The following KIAA1671 variants were observed in gnomAD, a reference collection of about 807,000 sequenced individuals.
KIAA1671 encodes the protein KIAA1671, also known as uncharacterized protein KIAA1671.
KIAA1671 carries 52 observed loss-of-function variants against 131.2 expected under a neutral mutation model. The observed-to-expected ratio is 0.40, with a 90% CI of 0.32 to 0.50. The LOEUF is 0.50. Among genes scored for constraint, KIAA1671 ranks in the 20% least tolerant of loss-of-function variants. KIAA1671 has a pLI of 0.73. For synonymous variants in KIAA1671, 1,003 were observed against 961.6 expected (o/e 1.04, Z -0.80); for missense variants, 2,360 against 2,364.2 (o/e 1.00, Z 0.04).
intron 6 of KIAA1671, among the ~76,000 whole-genome samples, chr22:25,104,261 G>A (rs1288169554): frequency 6.6e-6 from 1 of 152,200 alleles, no homozygotes; most frequent in Non-Finnish European, 1.5e-5. Flanking sequence ...TTACAGGCAT[G>A]AGCCACTGCT....
chr22:25,002,705 C>T (rs1020945751), intron 1 of KIAA1671, among the ~76,000 whole-genome samples: 1 of 152,304 alleles, frequency 6.6e-6, no homozygotes, highest in South Asian at 2.1e-4. Flanking sequence ...GCTGAACCCT[C>T]CCTGAGAAAC....
chr22:25,157,130 G>C (rs553187108), intron 6 of KIAA1671, among the ~76,000 whole-genome samples: 1 of 152,098 alleles, frequency 6.6e-6, no homozygotes, highest in Non-Finnish European at 1.5e-5. Context: ...GCTGGGAAAC[G>C]TAAAAGAATT....
chr22:25,029,674 T>C (rs945657272), intron 3 of KIAA1671, 134 bp downstream of exon 3: 35 of 680,452 alleles, frequency 5.1e-5, no homozygotes, highest in Non-Finnish European at 7.4e-5. Flanking sequence ...GTAGTGGCAG[T>C]GTCCATTTCT....
intron 1 of KIAA1671, among the ~76,000 whole-genome samples, chr22:24,958,806 A>C (rs1921859175): frequency 6.6e-6 from 1 of 151,208 alleles, no homozygotes; most frequent in Non-Finnish European, 1.5e-5. Flanking sequence ...CCCTCTCTCT[A>C]CTGAAAATAC....
intron 1 of KIAA1671, among the ~76,000 whole-genome samples, chr22:24,994,676 A>G (rs1035545426): frequency 6.6e-6 from 1 of 152,152 alleles, no homozygotes; most frequent in Non-Finnish European, 1.5e-5. Context: ...AGAGGCTCTG[A>G]CAAAGGAGTG....
At chr22:25,126,395 C>T (rs1386456670) in intron 6 of KIAA1671, among the ~76,000 whole-genome samples, 3 of 152,190 alleles carry the variant, frequency 2.0e-5, no homozygotes, top group African/African-American at 4.8e-5. Context: ...GTGGCAGCCA[C>T]GTTGCAGACA....
rs527545677 is a variant in KIAA1671, at chr22:25,184,015, A to C, written c.5200-962A>C. Among the ~76,000 whole-genome samples, 5 of 152,380 alleles carry C rather than the reference A, an allele frequency of 3.3e-5. No homozygotes were observed. In the South Asian group the frequency reaches 8.3e-4, roughly 25 times the overall value. On this transcript the variant is annotated intron_variant, in intron 10 of 12. Transcript: ENST00000358431. ...CTGCTGAGGCAGATCTTGGGATTCC[A>C]GAACACAGCTCCAGTCCACTGTGCT... is the stretch of plus-strand genomic sequence containing the variant.
At chr22:25,024,685 A>G (rs1925840609) in intron 1 of KIAA1671, 1 of 152,222 alleles carries the variant, frequency 6.6e-6, no homozygotes, top group African/African-American at 2.4e-5. Context: ...ATATTTCTTC[A>G]TTCATTTACT....
chr22:25,043,901 TAC>T (rs1395063966), intron 5 of KIAA1671, among the ~76,000 whole-genome samples: 4 of 152,172 alleles, frequency 2.6e-5, no homozygotes, highest in Non-Finnish European at 5.9e-5. Context: ...AGCTGAGTGA[TAC>T]AGGGCAAAAC....
intron 6 of KIAA1671, among the ~76,000 whole-genome samples, chr22:25,168,956 A>T (rs549068349): frequency 1.3e-5 from 2 of 152,232 alleles, no homozygotes; most frequent in African/African-American, 4.8e-5. Flanking sequence ...GACAATAGGG[A>T]ACCCCGGAAG....
chr22:25,008,430 G>A (rs1924865128), intron 1 of KIAA1671, among the ~76,000 whole-genome samples: 1 of 152,096 alleles, frequency 6.6e-6, no homozygotes, highest in South Asian at 2.1e-4. Flanking sequence ...ATCAACCCCA[G>A]GAGGGTCGTT....
intron 6 of KIAA1671, among the ~76,000 whole-genome samples, chr22:25,106,876 A>G (rs1214134808): frequency 6.6e-6 from 1 of 152,192 alleles, no homozygotes; most frequent in Non-Finnish European, 1.5e-5. Context: ...TTAGGTTCTT[A>G]CACCTTTTCA....
chr22:25,026,852 A>C (rs1925971288), intron 2 of KIAA1671, among the ~76,000 whole-genome samples: 1 of 152,180 alleles, frequency 6.6e-6, no homozygotes, highest in Non-Finnish European at 1.5e-5. Flanking sequence ...GAGGGAGATA[A>C]CGATCATTCC....
chr22:25,065,725 C>T (rs550920065), intron 6 of KIAA1671, among the ~76,000 whole-genome samples: 1 of 151,600 alleles, frequency 6.6e-6, no homozygotes, highest in East Asian at 2.0e-4. Context: ...CTGCAACCTC[C>T]ACCTCCCGGA....
chr22:25,121,380 T>TGAACCTGGGGGGCG (rs1931936127), intron 6 of KIAA1671, among the ~76,000 whole-genome samples: 2 of 149,644 alleles, frequency 1.3e-5, no homozygotes, highest in Admixed American at 1.3e-4. Context: ...GAGAAGGGCA[T>TGAACCTGGGGGGCG]GAACCTGGGG....
intron 6 of KIAA1671, among the ~76,000 whole-genome samples, chr22:25,149,234 G>A (rs1445883461): frequency 6.6e-6 from 1 of 152,190 alleles, no homozygotes; most frequent in Non-Finnish European, 1.5e-5. Context: ...TAGGTGCCTG[G>A]GAACCAGGAT....
chr22:25,148,245 TCAGTCCCAGCCCTCCCA>T (rs1312278139), intron 6 of KIAA1671, among the ~76,000 whole-genome samples: 247 of 99,550 alleles, frequency 2.5e-3, no homozygotes, highest in Non-Finnish European at 3.9e-3. Flanking sequence ...GGCACCCCCC[TCAGTCCCAGCCCTCCCA>T]CAGTCCCAGC....
chr22:24,973,404 T>G (rs1198433717), intron 1 of KIAA1671, among the ~76,000 whole-genome samples: 14 of 140,986 alleles, frequency 9.9e-5, no homozygotes, highest in South Asian at 4.7e-4. Context: ...TTTTTTTTTT[T>G]TTTTTTTTTT....
intron 5 of KIAA1671, among the ~76,000 whole-genome samples, chr22:25,043,900 A>T (rs925693324): frequency 6.6e-6 from 1 of 152,194 alleles, no homozygotes; most frequent in Non-Finnish European, 1.5e-5. Context: ...CAGCTGAGTG[A>T]TACAGGGCAA....
Sources: gnomAD v4.1 joint callset for allele counts (sites outside exome capture counted in the v4.1 genomes callset) on GRCh38, gnomAD v4.1.1 for gene constraint, MANE v1.5 for transcripts, NCBI Gene and HGNC (gene_info 2026-07-23, HGNC 2026-07-21) for gene names.